TET2: variants seen among roughly 807,000 people sequenced by gnomAD.
TET2 encodes methylcytosine dioxygenase TET2.
Under a neutral mutation model 142.9 loss-of-function variants are expected in TET2, and 299 were observed. The observed-to-expected ratio is 2.09, with a 90% CI of 1.90 to 2.30. The LOEUF (loss-of-function observed/expected upper bound fraction) is 2.30. Ranked by LOEUF, TET2 falls within the 30% of genes most tolerant of loss-of-function variation. The pLI is 0.00. For missense variants in TET2, 2,418 were observed against 2,378.0 expected, an observed-to-expected ratio of 1.02 and a Z score of -0.35; for synonymous variants, 819 against 849.0, an observed-to-expected ratio of 0.96 and a Z score of 0.61.
At chr4:105,267,818 T>G (rs1240364506) in intron 8 of TET2, among the ~76,000 whole-genome samples, 1 of 151,970 alleles carries the variant, frequency 6.6e-6, no homozygotes, top group African/African-American at 2.4e-5. Flanking sequence ...ATTAAAAAGA[T>G]ATTTTTAACA....
chr4:105,269,534 G>A (rs1730845862), intron 8 of TET2, 76 bp from the exon 9 acceptor site: 1 of 1,463,312 alleles, frequency 6.8e-7, no homozygotes, highest in East Asian at 2.5e-5. Context: ...GTTCTAAATG[G>A]TCTAAATACT....
At chr4:105,167,563 AACAGTGCTAGAGTTCATGACTG>A (rs1724230761) in intron 1 of TET2, among the ~76,000 whole-genome samples, 1 of 152,154 alleles carries the variant, frequency 6.6e-6, no homozygotes, top group Admixed American at 6.5e-5. Context: ...TTTTAAAAAT[AACAGTGCTAGAGTTCATGACTG>A]ACTAATTTTC....
rs1403300434 is a variant in TET2, at chr4:105,238,363, CAA to C, written c.3409+1015_3409+1016del. 6.7e-5 allele frequency: 16 copies of C among 238,448 alleles called. No homozygotes were observed. The East Asian group carries it at 1.0e-3, about 15-fold the overall frequency. 14.8% of individuals were successfully genotyped at this position (238,448 alleles called of 1,614,324 possible). ...CTGTATCAATTGATTTTTCCATTCACAAAAGATTTCTCTGTAGCATGCAATGC... is the reference window on the plus strand; with the variant it reads ...CTGTATCAATTGATTTTTCCATTCACAAGATTTCTCTGTAGCATGCAATGC... On this transcript the variant is annotated intron_variant, in intron 3 of 10. Transcript: ENST00000380013.
intron 1 of TET2, among the ~76,000 whole-genome samples, chr4:105,173,779 G>A (rs1040344967): frequency 6.6e-5 from 10 of 151,950 alleles, no homozygotes; most frequent in Admixed American, 2.0e-4. Context: ...TATAAAATTA[G>A]GCTCATATTC....
chr4:105,277,475 A>G lies in TET2; in HGVS notation c.*956A>G. 1 of 226,872 alleles carries G rather than the reference A, an allele frequency of 4.4e-6. No homozygotes were observed. The highest frequency in any genetic ancestry group is 8.8e-6 in the Non-Finnish European group (1 of 114,110). The allele number at this position is 226,872 out of a possible 1,614,324, so 14.1% of individuals were successfully genotyped here. A position where few individuals can be genotyped will look rare whatever the true frequency, so the allele number is the denominator to read the frequency against. On this transcript the variant is annotated 3_prime_UTR_variant, in exon 11 of 11. Coordinates refer to ENST00000380013, the MANE Select transcript of TET2 (RefSeq NM_001127208.3). Reference sequence around the variant, plus strand: ...ACAATGCTAAGGTACTGAGATGTTTAAAAAACAAGTTTACTTTCATTTTAG... The same window carrying G: ...ACAATGCTAAGGTACTGAGATGTTTGAAAAACAAGTTTACTTTCATTTTAG...
rs577624044 is a variant in TET2, at chr4:105,278,171, C to CATACATATATATATATATATATAT, written c.*1655_*1656insCATATATATATATATATATATATA. The CATACATATATATATATATATATAT allele has an allele frequency of 5.3e-5, 6 of 113,914 alleles. 1 individual carries two copies. Among genetic ancestry groups the CATACATATATATATATATATATAT allele is most frequent in the African/African-American group, 2.0e-4 (5 of 24,418 alleles). The allele number at this position is 113,914 out of a possible 1,614,324, so 7.1% of individuals were successfully genotyped here. On this transcript the variant is annotated 3_prime_UTR_variant, in exon 11 of 11. Transcript: ENST00000380013. ...GTACTGTAAAAAAATTAAATATATA[C>CATACATATATATATATATATATAT]ATATATATATATATATATATATATA... is the stretch of plus-strand genomic sequence containing the variant.
intron 2 of TET2, among the ~76,000 whole-genome samples, chr4:105,227,268 G>A (rs908150767): frequency 6.6e-6 from 1 of 152,108 alleles, no homozygotes; most frequent in African/African-American, 2.4e-5. Context: ...TTTCCCAAAG[G>A]TTCTTCTGTC....
At chr4:105,171,987 A>G (rs1199431707) in intron 1 of TET2, among the ~76,000 whole-genome samples, 1 of 152,138 alleles carries the variant, frequency 6.6e-6, no homozygotes, top group East Asian at 1.9e-4. Flanking sequence ...TTTAGATTAT[A>G]TCCTTGGTTT....
intron 2 of TET2, among the ~76,000 whole-genome samples, chr4:105,233,063 G>A (rs1439602162): frequency 1.3e-5 from 2 of 152,012 alleles, no homozygotes; most frequent in Admixed American, 1.3e-4. Context: ...AAGGGCAGAC[G>A]GGGCTAGGGG....
At chr4:105,265,282 AAATT>A (rs1005137892) in intron 8 of TET2, among the ~76,000 whole-genome samples, 1 of 152,224 alleles carries the variant, frequency 6.6e-6, no homozygotes, top group Non-Finnish European at 1.5e-5. Context: ...AATTGAGTTT[AAATT>A]AATGTAAAAA....
In TET2 at chr4:105,275,427, G is replaced by A. The variant is rs1163901894; in HGVS notation, c.4917G>A (p.Val1639=). Residue 1639 remains valine (V), a synonymous_variant, in exon 11 of 11, where the codon GTG becomes GTA. Coordinates refer to ENST00000380013, the MANE Select transcript of TET2 (RefSeq NM_001127208.3). ...ATCAATGCAATGGAAACCTATCAGT[G>A]GACAACTGCTCCCCATATCTGGGTT... ...PSYQCNGNLS[V]DNCSPYLGSY... The A allele has an allele frequency of 1.9e-6, 3 of 1,551,568 alleles. No individual in the cohort carries two copies. The highest frequency in any genetic ancestry group is 1.7e-4 in the Middle Eastern group (1 of 5,992).
At chr4:105,219,693 T>G (rs945396840) in intron 2 of TET2, among the ~76,000 whole-genome samples, 1 of 152,062 alleles carries the variant, frequency 6.6e-6, no homozygotes, top group African/African-American at 2.4e-5. Flanking sequence ...GCTGAAGATA[T>G]GAGACAATGT....
chr4:105,204,870 G>A (rs890089802), intron 2 of TET2, among the ~76,000 whole-genome samples: 1 of 151,944 alleles, frequency 6.6e-6, no homozygotes, highest in Non-Finnish European at 1.5e-5. Flanking sequence ...CTATTCACTA[G>A]ATTATTTTCC....
intron 1 of TET2, among the ~76,000 whole-genome samples, chr4:105,184,063 C>G (rs983668152): frequency 6.6e-6 from 1 of 152,150 alleles, no homozygotes; most frequent in Non-Finnish European, 1.5e-5. Context: ...GGCCCAGTCT[C>G]TGACCAGTGA....
intron 9 of TET2, among the ~76,000 whole-genome samples, chr4:105,271,415 G>A (rs574829090): frequency 1.5e-4 from 23 of 152,140 alleles, no homozygotes; most frequent in Admixed American, 1.4e-3. Context: ...GTGACAGAGA[G>A]TAAGATGATG....
At chr4:105,211,271 T>A (rs1727143642) in intron 2 of TET2, among the ~76,000 whole-genome samples, 1 of 152,198 alleles carries the variant, frequency 6.6e-6, no homozygotes, top group Non-Finnish European at 1.5e-5. Flanking sequence ...GTCCTCTTTA[T>A]CTCATCACTC....
chr4:105,147,402 G>C lies in TET2; in HGVS notation c.-193+423G>C, dbSNP rs2110335144. On this transcript the variant is annotated intron_variant, in intron 1 of 10. Coordinates refer to ENST00000380013, the MANE Select transcript of TET2 (RefSeq NM_001127208.3). ...TTCGTGTAAGTGAAACGAGTCTCCC[G>C]TTTATCCTGAACAACCTCAGAGAGA... 1.3e-5 allele frequency: 2 copies of C among 152,246 alleles called. 1 individual carries two copies. Among genetic ancestry groups the C allele is most frequent in the Non-Finnish European group, 2.9e-5 (2 of 68,038 alleles). The allele number at this position is 152,246 out of a possible 1,614,324, so 9.4% of individuals were successfully genotyped here. A position where few individuals can be genotyped will look rare whatever the true frequency, so the allele number is the denominator to read the frequency against.
At position 105,279,393 on chromosome 4, in the gene TET2, A is replaced by T; in HGVS notation, c.*2874A>T. The T allele has an allele frequency of 4.3e-6, 1 of 232,476 alleles. No homozygotes were observed. 14.4% of individuals were successfully genotyped at this position (232,476 alleles called of 1,614,324 possible). On this transcript the variant is annotated 3_prime_UTR_variant, in exon 11 of 11. Transcript: ENST00000380013. ...ATAAAACCTGCCTCAGTTAGAATGA[A>T]TGGAAAGCAGATCTACAATTTGCTA...
Position 105,276,045 on chromosome 4 carries a change from G to T in TET2, c.5535G>T (p.Glu1845Asp). 6.4e-7 allele frequency: 1 copy of T among 1,551,694 alleles called. No individual in the cohort carries two copies. Residue 1845 changes from glutamate (E) to aspartate (D), a missense_variant, in exon 11 of 11, where the codon GAG becomes GAT. Glu to Asp is a conservative substitution (Grantham distance 45, BLOSUM62 2). Coordinates refer to ENST00000380013, the MANE Select transcript of TET2 (RefSeq NM_001127208.3). ...GVASGAEDND[E>D]VWSDSEQSFL... ...CTTCTGGTGCAGAGGACAACGATGA[G>T]GTCTGGTCAGACAGCGAGCAGAGCT... is the stretch of plus-strand genomic sequence containing the variant.
Sources: allele counts gnomAD v4.1 joint callset (sites outside exome capture counted in the v4.1 genomes callset), GRCh38; gene constraint gnomAD v4.1.1; transcripts MANE v1.5; gene names NCBI Gene and HGNC (gene_info 2026-07-23, HGNC 2026-07-21).